CRACDL: variants seen among roughly 807,000 people sequenced by gnomAD.
The protein encoded by CRACDL is CRACD-like protein.
A neutral mutation model predicts 70.6 loss-of-function variants in CRACDL; 26 were observed. That is an observed-to-expected ratio of 0.37 (90% CI 0.27 to 0.51). CRACDL has a LOEUF of 0.51. CRACDL is among the 20% of genes least tolerant of loss of function. The pLI is 0.94. For synonymous variants in CRACDL, 618 were observed against 615.2 expected (o/e 1.00, Z -0.07); for missense variants, 1,283 against 1,376.9 (o/e 0.93, Z 1.08).
chr2:98,890,843 G>A (rs1044973347), intron 1 of CRACDL, among the ~76,000 whole-genome samples: 12 of 151,962 alleles, frequency 7.9e-5, no homozygotes, highest in Admixed American at 6.6e-5. Flanking sequence ...GACCACCTGA[G>A]GTCAGTAGTT....
At chr2:98,897,126 T>C (rs769698826) in intron 1 of CRACDL, among the ~76,000 whole-genome samples, 4 of 151,894 alleles carry the variant, frequency 2.6e-5, no homozygotes, top group Non-Finnish European at 5.9e-5. Context: ...AGCCACACAC[T>C]CTTCCCCCTG....
chr2:98,823,161 T>C lies in CRACDL; in HGVS notation c.1112A>G (p.Gln371Arg). The C allele has an allele frequency of 6.5e-7, 1 of 1,543,480 alleles. No homozygotes were observed. ...GCCTGCGGGGGGCGCCTCCCCATCC[T>C]GCTTTCCGCCGTCGGGACCGGGATT... The part of the protein sequence containing the change: ...PPNPGPDGGK[Q>R]DGEAPPAGPC... Residue 371 changes from glutamine to arginine, a missense_variant, in exon 7 of 10, where the codon CAG becomes CGG. Gln to Arg is a conservative substitution (Grantham distance 43, BLOSUM62 1). This residue lies in a region of CRACDL where 921 missense variants were observed against 881.9 expected (regional missense o/e 1.04). Transcript: ENST00000397899. This position sits in a 1 kb window ranked among gnomAD's most constrained non-coding sequence, Gnocchi z 4.0.
At chr2:98,874,839 A>T (rs1707442000) in intron 1 of CRACDL, among the ~76,000 whole-genome samples, 1 of 152,168 alleles carries the variant, frequency 6.6e-6, no homozygotes, top group African/African-American at 2.4e-5. Context: ...TGATCACTTC[A>T]TGCTGTTTCC....
At chr2:98,827,821 G>A (rs1219905888) in intron 5 of CRACDL, among the ~76,000 whole-genome samples, 1 of 152,094 alleles carries the variant, frequency 6.6e-6, no homozygotes, top group Non-Finnish European at 1.5e-5. Context: ...TTTGTCCAAG[G>A]GCACAGTCAC....
intron 7 of CRACDL, chr2:98,809,634 C>T (rs1161888053): frequency 6.6e-6 from 1 of 152,176 alleles, no homozygotes; most frequent in East Asian, 1.9e-4. Context: ...CCCCACCGTC[C>T]GTATATTCTG....
chr2:98,810,970 TA>T (rs71386057), intron 7 of CRACDL, among the ~76,000 whole-genome samples: 66 of 131,612 alleles, frequency 5.0e-4, no homozygotes, highest in Admixed American at 7.0e-4. Flanking sequence ...CACTCTGATA[TA>T]AAAAAAAAAA....
intron 1 of CRACDL, among the ~76,000 whole-genome samples, chr2:98,883,871 G>A (rs1479942433): frequency 6.6e-6 from 1 of 152,210 alleles, no homozygotes. Flanking sequence ...GAAGCTAATG[G>A]CAGGGATTAT....
At chr2:98,842,393 C>T (rs1706067107) in intron 2 of CRACDL, among the ~76,000 whole-genome samples, 1 of 151,618 alleles carries the variant, frequency 6.6e-6, no homozygotes, top group Non-Finnish European at 1.5e-5. Context: ...TTAATTATTA[C>T]ATTTATTTCT....
intron 8 of CRACDL, among the ~76,000 whole-genome samples, chr2:98,796,976 G>A (rs1559196349): frequency 6.6e-6 from 1 of 152,350 alleles, no homozygotes; most frequent in East Asian, 1.9e-4. Flanking sequence ...GGATGGAGCT[G>A]TCGACATCAT....
intron 1 of CRACDL, among the ~76,000 whole-genome samples, chr2:98,868,633 A>T (rs1707233911): frequency 1.3e-5 from 2 of 152,132 alleles, no homozygotes; most frequent in African/African-American, 4.8e-5. Context: ...CTATCAGTTG[A>T]ACACAAGTCC....
At chr2:98,857,816 C>A (rs1706766676) in intron 1 of CRACDL, among the ~76,000 whole-genome samples, 1 of 151,820 alleles carries the variant, frequency 6.6e-6, no homozygotes, top group Admixed American at 6.6e-5. Flanking sequence ...ACAACTAGAC[C>A]AAAGATGTGT....
chr2:98,872,788 T>C (rs1489048950), intron 1 of CRACDL, among the ~76,000 whole-genome samples: 1 of 152,208 alleles, frequency 6.6e-6, no homozygotes, highest in Non-Finnish European at 1.5e-5. Context: ...AAATGATGTA[T>C]GCAGTAAGAA....
chr2:98,794,433 A>G lies in CRACDL; in HGVS notation c.*99T>C, dbSNP rs1703715134. On this transcript the variant is annotated 3_prime_UTR_variant, in exon 10 of 10. Coordinates refer to ENST00000397899, the MANE Select transcript of CRACDL (RefSeq NM_207362.3). ...TCGTCATAACTTGATGATAAAATCA[A>G]TCTTTAAGTTTCACAGTTTGTTTGC... 1 of 1,099,552 alleles carries G rather than the reference A, an allele frequency of 9.1e-7. No individual in the cohort carries two copies. The highest frequency in any genetic ancestry group is 1.5e-5 in the African/African-American group (1 of 64,564). 68.1% of individuals were successfully genotyped at this position (1,099,552 alleles called of 1,614,324 possible). A position where few individuals can be genotyped will look rare whatever the true frequency, so the allele number is the denominator to read the frequency against.
chr2:98,854,654 C>A (rs1395759034), intron 1 of CRACDL, among the ~76,000 whole-genome samples: 2 of 152,040 alleles, frequency 1.3e-5, no homozygotes, highest in East Asian at 3.9e-4. Context: ...CAATCCCCTG[C>A]CTTAAACTTG....
At chr2:98,934,672 A>C (rs894200001) in intron 1 of CRACDL, among the ~76,000 whole-genome samples, 2 of 152,098 alleles carry the variant, frequency 1.3e-5, no homozygotes, top group Non-Finnish European at 2.9e-5. Flanking sequence ...TAAGAACTTG[A>C]CTCGTGGAGG....
chr2:98,826,310 C>CATTCACTCATTTGTTA (rs1289176268), intron 6 of CRACDL, among the ~76,000 whole-genome samples: 3 of 152,354 alleles, frequency 2.0e-5, no homozygotes, highest in African/African-American at 7.2e-5. Context: ...CAGCTTCTTT[C>CATTCACTCATTTGTTA]ATTCACTCAT....
At chr2:98,929,451 A>G (rs1423510059) in intron 1 of CRACDL, among the ~76,000 whole-genome samples, 2 of 152,198 alleles carry the variant, frequency 1.3e-5, no homozygotes, top group Non-Finnish European at 2.9e-5. Flanking sequence ...TCAGACTCCA[A>G]GCAGCATCTA....
intron 9 of CRACDL, 33 bp from the exon 10 acceptor site, chr2:98,794,704 A>G (rs764574859): frequency 1.2e-5 from 19 of 1,583,022 alleles, no homozygotes; most frequent in Non-Finnish European, 1.6e-5. Flanking sequence ...CAACAGAAAC[A>G]TGAGCAGTGA....
At chr2:98,888,677 G>C (rs1707859999) in intron 1 of CRACDL, among the ~76,000 whole-genome samples, 1 of 152,120 alleles carries the variant, frequency 6.6e-6, no homozygotes, top group South Asian at 2.1e-4. Context: ...TAAAAATTAT[G>C]TTAAGTAAAA....
Sources: allele counts gnomAD v4.1 joint callset (sites outside exome capture counted in the v4.1 genomes callset), GRCh38; gene constraint gnomAD v4.1.1; regional missense constraint gnomAD v4.1.1; non-coding constraint Gnocchi (gnomAD v3.1); transcripts MANE v1.5; gene names NCBI Gene and HGNC (gene_info 2026-07-23, HGNC 2026-07-21).